Variants in SLC22A8 observed in about 807,000 individuals in gnomAD.
The protein encoded by SLC22A8 is organic anion transporter 3.
In SLC22A8, 40 loss-of-function variants were observed where a neutral mutation model predicts 48.4. The observed-to-expected ratio is 0.83, with a 90% CI of 0.64 to 1.08. The LOEUF (loss-of-function observed/expected upper bound fraction) is 1.08. SLC22A8 is among the 50% of genes least tolerant of loss of function. The pLI is 0.00. For missense variants in SLC22A8, 606 were observed against 699.0 expected, an observed-to-expected ratio of 0.87 and a Z score of 1.50; for synonymous variants, 268 against 286.3, an observed-to-expected ratio of 0.94 and a Z score of 0.65.
At position 62,995,735 on chromosome 11, in the gene SLC22A8, G is replaced by A. The variant is rs769079351; in HGVS notation, c.970C>T (p.Arg324Cys). ...ASDLFRIPML[R>C]RMTFCLSLAW... Reference sequence around the variant, plus strand: ...AGGGAAAGACAGAAGGTCATGCGGCGCAGCATGGGTATCCGGAACAGGTCA... The same window carrying A: ...AGGGAAAGACAGAAGGTCATGCGGCACAGCATGGGTATCCGGAACAGGTCA... Residue 324 changes from arginine (R) to cysteine (C), a missense_variant, in exon 7 of 11, where the codon CGC becomes TGC. By Grantham distance (180) the Arg-to-Cys change is radical (BLOSUM62 -3). Coordinates refer to ENST00000336232, the MANE Select transcript of SLC22A8 (RefSeq NM_004254.4). 2.2e-5 allele frequency: 36 copies of A among 1,613,978 alleles called. No individual in the cohort carries two copies. Among genetic ancestry groups the A allele is most frequent in the Non-Finnish European group, 2.7e-5 (32 of 1,179,872 alleles).
chr11:62,995,090 A>C, intron 7 of SLC22A8: 1 of 397,754 alleles, frequency 2.5e-6, no homozygotes, highest in South Asian at 2.4e-5. Context: ...GCAGCAGTTT[A>C]ACATCCAGAC....
At chr11:62,996,842 G>A (rs1474752881) in intron 5 of SLC22A8, among the ~76,000 whole-genome samples, 2 of 152,272 alleles carry the variant, frequency 1.3e-5, no homozygotes, top group African/African-American at 4.8e-5. Context: ...AGGTTGAGAT[G>A]TGGGGAGAAA....
intron 5 of SLC22A8, among the ~76,000 whole-genome samples, chr11:62,998,122 T>G (rs2086445574): frequency 6.6e-6 from 1 of 152,150 alleles, no homozygotes; most frequent in African/African-American, 2.4e-5. Flanking sequence ...CGGCTAATTT[T>G]TGTATTTTTA....
Position 62,997,355 on chromosome 11 carries a change from G to A in SLC22A8, c.762-1203C>T, listed in dbSNP as rs370516316. 3.3e-5 allele frequency among the ~76,000 whole-genome samples: 5 copies of A among 152,262 alleles called. No homozygotes were observed. The East Asian group carries it at 5.8e-4, about 18-fold the overall frequency. Reference sequence around the variant, plus strand: ...TTTTCCTGCCTCAGCCTCCCAAGTAGCTGGGATTACAGGCACGCATCACCA... The same window carrying A: ...TTTTCCTGCCTCAGCCTCCCAAGTAACTGGGATTACAGGCACGCATCACCA... On this transcript the variant is annotated intron_variant, in intron 5 of 10. Coordinates refer to ENST00000336232, the MANE Select transcript of SLC22A8 (RefSeq NM_004254.4).
intron 2 of SLC22A8, among the ~76,000 whole-genome samples, chr11:63,002,885 G>A (rs1360979010): frequency 6.6e-6 from 1 of 152,170 alleles, no homozygotes; most frequent in East Asian, 1.9e-4. Context: ...TTATGTAGGT[G>A]CTAATATCAT....
At chr11:63,001,540 G>T (rs576687434) in intron 2 of SLC22A8, among the ~76,000 whole-genome samples, 1 of 152,328 alleles carries the variant, frequency 6.6e-6, no homozygotes, top group South Asian at 2.1e-4. Flanking sequence ...CCCTCTGGCA[G>T]ATGTGGATGC....
intron 1 of SLC22A8, 39 bp from the exon 2 acceptor site, chr11:63,015,022 GC>G: frequency 7.2e-7 from 1 of 1,395,402 alleles, no homozygotes. Flanking sequence ...GTATATTTGT[GC>G]CTGGTAGTGC....
At position 63,014,810 on chromosome 11, in the gene SLC22A8, C is replaced by A; in HGVS notation, c.149G>T (p.Arg50Leu). The change falls in exon 2 of 11, where the codon CGC (arginine) becomes CTC (leucine). Residue 50 changes from arginine to leucine, a missense_variant. Transcript: ENST00000336232. ...CCCTGTGGAGGCATTGTGGGGCGGGCGACAGTGGTGGACAGGGGTGGCGGC... is the reference window on the plus strand; with the variant it reads ...CCCTGTGGAGGCATTGTGGGGCGGGAGACAGTGGTGGACAGGGGTGGCGGC... ...FTAATPVHHC[R>L]PPHNASTGPW... 1.2e-6 allele frequency: 2 copies of A among 1,612,648 alleles called. No individual in the cohort carries two copies. Among genetic ancestry groups the A allele is most frequent in the Non-Finnish European group, 1.7e-6 (2 of 1,178,920 alleles).
At chr11:63,011,854 C>G (rs762221579) in intron 2 of SLC22A8, among the ~76,000 whole-genome samples, 1 of 152,174 alleles carries the variant, frequency 6.6e-6, no homozygotes, top group Non-Finnish European at 1.5e-5. Context: ...AAAGGCCACA[C>G]CTTTACCTCT....
intron 2 of SLC22A8, among the ~76,000 whole-genome samples, chr11:63,014,048 C>T (rs2086647268): frequency 6.6e-6 from 1 of 152,152 alleles, no homozygotes; most frequent in Non-Finnish European, 1.5e-5. Context: ...TTTCAAGCCT[C>T]CCCTCTGTGC....
chr11:63,000,855 T>G, intron 2 of SLC22A8, 32 bp from the exon 3 acceptor site: 1 of 1,543,422 alleles, frequency 6.5e-7, no homozygotes, highest in Non-Finnish European at 9.0e-7. Context: ...CTAGCCTAAC[T>G]CAGTGTAGAC....
At position 62,999,689 on chromosome 11, in the gene SLC22A8, C is replaced by A. The variant is rs759769711; in HGVS notation, c.591G>T (p.Leu197Phe). 1 of 1,562,926 alleles carries A rather than the reference C, an allele frequency of 6.4e-7. No homozygotes were observed. The highest frequency in any genetic ancestry group is 1.8e-5 in the Admixed American group (1 of 54,144). ...GCTCCATGCCCCACTGCAGCTCACT[C>A]AAGATGACGGTGCTCAGGGTAATGC... is the stretch of plus-strand genomic sequence containing the variant. ...ISGITLSTVI[L>F]NVEWVPTRMR... The change falls in exon 4 of 11, where the codon TTG (leucine) becomes TTT (phenylalanine). Residue 197 changes from leucine to phenylalanine, a missense_variant and splice_region_variant. Coordinates refer to ENST00000336232, the MANE Select transcript of SLC22A8 (RefSeq NM_004254.4).
intron 2 of SLC22A8, among the ~76,000 whole-genome samples, chr11:63,013,633 G>A (rs2086643111): frequency 6.6e-6 from 1 of 152,166 alleles, no homozygotes; most frequent in Admixed American, 6.5e-5. Flanking sequence ...GGCTTTAGCT[G>A]TAAATTCCAG....
rs150176294 is a variant in SLC22A8 at position 62,999,068 on chromosome 11, C to T, written c.614G>A (p.Arg205Gln). The change falls in exon 5 of 11, where the codon CGG becomes CAG. Residue 205 changes from arginine to glutamine, a missense_variant. Coordinates refer to ENST00000336232, the MANE Select transcript of SLC22A8 (RefSeq NM_004254.4). ...VILNVEWVPT[R>Q]MRAIMSTALG... ...TGCTGTCGACATGATGGCCCGCATC[C>T]GGGTAGGCACCCATTCCACATCTGT... 2.4e-5 allele frequency: 39 copies of T among 1,613,454 alleles called. No homozygotes were observed. The highest frequency in any genetic ancestry group is 1.6e-4 in the Middle Eastern group (1 of 6,082).
intron 2 of SLC22A8, among the ~76,000 whole-genome samples, chr11:63,008,535 G>A (rs950676199): frequency 3.9e-5 from 6 of 152,224 alleles, no homozygotes; most frequent in Middle Eastern, 3.4e-3. Context: ...CTTAACCTCC[G>A]TGTGGCTCAG....
In SLC22A8 at chr11:62,999,947, T is replaced by C. The variant is rs919533412; in HGVS notation, c.438-105A>G. 7 of 973,370 alleles carry C rather than the reference T, an allele frequency of 7.2e-6. No homozygotes were observed. The African/African-American group carries it at 1.0e-4, about 14-fold the overall frequency. The allele number at this position is 973,370 out of a possible 1,614,324, so 60.3% of individuals were successfully genotyped here. A position where few individuals can be genotyped will look rare whatever the true frequency, so the allele number is the denominator to read the frequency against. ...AAGGGCTGAATCCGACCCCCAACCT[T>C]TCCCTGTTGGGCACATAAAGCTCCC... On this transcript the variant is annotated intron_variant, in intron 3 of 10. Coordinates refer to ENST00000336232, the MANE Select transcript of SLC22A8 (RefSeq NM_004254.4).
intron 2 of SLC22A8, among the ~76,000 whole-genome samples, chr11:63,014,101 A>G (rs1215314198): frequency 6.6e-6 from 1 of 152,080 alleles, no homozygotes; most frequent in Non-Finnish European, 1.5e-5. Flanking sequence ...TCTTTGCACA[A>G]GACGGACTTT....
intron 2 of SLC22A8, among the ~76,000 whole-genome samples, chr11:63,014,341 G>C (rs527590975): frequency 9.9e-5 from 15 of 152,262 alleles, no homozygotes; most frequent in African/African-American, 3.6e-4. Flanking sequence ...AGACCCCCTG[G>C]GAGCAGGCAT....
At chr11:63,001,405 T>A (rs1035856737) in intron 2 of SLC22A8, among the ~76,000 whole-genome samples, 1 of 152,208 alleles carries the variant, frequency 6.6e-6, no homozygotes, top group African/African-American at 2.4e-5. Context: ...TGTCACTCCA[T>A]CCTCATCTCC....
Sources: allele counts gnomAD v4.1 joint callset (sites outside exome capture counted in the v4.1 genomes callset), GRCh38; gene constraint gnomAD v4.1.1; transcripts MANE v1.5; gene names NCBI Gene and HGNC (gene_info 2026-07-23, HGNC 2026-07-21).